Variants in EPS15 observed in about 807,000 individuals in gnomAD.
EPS15 encodes epidermal growth factor receptor substrate 15.
A neutral mutation model predicts 113.8 loss-of-function variants in EPS15; 72 were observed. The ratio of observed to expected loss-of-function variants is 0.63; its 90% CI spans 0.52 to 0.77. The LOEUF (loss-of-function observed/expected upper bound fraction) is 0.77, where lower values mean the gene tolerates loss of function less well. EPS15 is among the 30% of genes least tolerant of loss of function. EPS15 has a pLI of 0.00. For missense variants in EPS15, 1,048 were observed against 1,045.8 expected (o/e 1.00, Z -0.03); for synonymous variants, 344 against 363.4 (o/e 0.95, Z 0.61).
intron 22 of EPS15, 22 bp from the exon 23 acceptor site, chr1:51,364,050 T>C: frequency 6.4e-7 from 1 of 1,563,916 alleles, no homozygotes; most frequent in Non-Finnish European, 8.7e-7. Context: ...AAGAAATGGT[T>C]ATACATGGCT....
At chr1:51,513,221 CA>C (rs1644658284) in intron 1 of EPS15, among the ~76,000 whole-genome samples, 1 of 151,994 alleles carries the variant, frequency 6.6e-6, no homozygotes, top group African/African-American at 2.4e-5. Context: ...CACATGTGCA[CA>C]AAAACATGTA....
chr1:51,518,091 A>T (rs7412881), intron 1 of EPS15, among the ~76,000 whole-genome samples: 1 of 152,070 alleles, frequency 6.6e-6, no homozygotes, highest in African/African-American at 2.4e-5. Flanking sequence ...AGCACGCGCC[A>T]CCAGCTCTGG....
At chr1:51,446,753 C>G (rs1432894510) in intron 10 of EPS15, among the ~76,000 whole-genome samples, 3 of 152,148 alleles carry the variant, frequency 2.0e-5, no homozygotes, top group East Asian at 1.9e-4. Context: ...CCATGCCCAG[C>G]GGATGCTGTC....
At chr1:51,460,989 G>C (rs754484964) in intron 8 of EPS15, 102 bp downstream of exon 8, 2 of 756,778 alleles carry the variant, frequency 2.6e-6, no homozygotes, top group Non-Finnish European at 4.5e-6. Flanking sequence ...CCAATAATCT[G>C]ATGAGAATAT....
chr1:51,475,876 T>A (rs1655641485), intron 2 of EPS15, among the ~76,000 whole-genome samples: 2 of 152,216 alleles, frequency 1.3e-5, no homozygotes, highest in African/African-American at 4.8e-5. Flanking sequence ...AAGGAACGGA[T>A]CCAGTTTCAG....
At chr1:51,384,276 GTCTTTT>G (rs1312398908) in intron 21 of EPS15, among the ~76,000 whole-genome samples, 5 of 146,890 alleles carry the variant, frequency 3.4e-5, no homozygotes, top group African/African-American at 7.5e-5. Flanking sequence ...AGCCAAAGCA[GTCTTTT>G]TCTTTTTCTT....
chr1:51,434,792 C>T (rs373319259), intron 12 of EPS15, among the ~76,000 whole-genome samples: 1 of 152,170 alleles, frequency 6.6e-6, no homozygotes, highest in Non-Finnish European at 1.5e-5. Flanking sequence ...CTGCCTCAGC[C>T]TCCTGAGTAA....
rs1173029789 is a variant in EPS15 at position 51,361,463 on chromosome 1, A to G, written c.2360-108T>C. The G allele has an allele frequency of 9.1e-6, 7 of 770,384 alleles. No individual in the cohort carries two copies. The African/African-American group carries it at 1.2e-4, about 14-fold the overall frequency. 47.7% of individuals were successfully genotyped at this position (770,384 alleles called of 1,614,324 possible). Reference sequence around the variant, plus strand: ...AAGTACTGTGGGTAGAGGATGATTGAGTACCTAAAACACATTCTGAATATT... The same window carrying G: ...AAGTACTGTGGGTAGAGGATGATTGGGTACCTAAAACACATTCTGAATATT... On this transcript the variant is annotated intron_variant, in intron 23 of 24. Transcript: ENST00000371733.
At chr1:51,423,298 C>T in intron 12 of EPS15, 1 of 1,283,240 alleles carries the variant, frequency 7.8e-7, no homozygotes, top group Non-Finnish European at 1.0e-6. Flanking sequence ...CCGATCCTTC[C>T]ATACCTCAAC....
chr1:51,464,432 G>A (rs1654700918), intron 6 of EPS15, among the ~76,000 whole-genome samples: 1 of 151,836 alleles, frequency 6.6e-6, no homozygotes, highest in Non-Finnish European at 1.5e-5. Flanking sequence ...AGTAGACACG[G>A]GGTTTCACTA....
At chr1:51,509,751 A>G (rs1201233250) in intron 1 of EPS15, among the ~76,000 whole-genome samples, 1 of 152,234 alleles carries the variant, frequency 6.6e-6, no homozygotes, top group Admixed American at 6.5e-5. Context: ...AAAACTTTCC[A>G]CTATAACTTC....
intron 9 of EPS15, 129 bp from the exon 10 acceptor site, chr1:51,447,234 G>A (rs1255273911): frequency 7.0e-6 from 5 of 709,448 alleles, no homozygotes; most frequent in Middle Eastern, 5.8e-4. Context: ...GAGCAACAAT[G>A]TATCACTTCC....
At chr1:51,482,850 T>C (rs1054249325) in intron 1 of EPS15, among the ~76,000 whole-genome samples, 1 of 151,968 alleles carries the variant, frequency 6.6e-6, no homozygotes, top group African/African-American at 2.4e-5. Context: ...AAAAAGTTTG[T>C]AACATAGATT....
intron 21 of EPS15, among the ~76,000 whole-genome samples, chr1:51,375,145 G>GT (rs1241335834): frequency 1.3e-5 from 2 of 151,618 alleles, no homozygotes; most frequent in Non-Finnish European, 2.9e-5. Flanking sequence ...GGGACTACAG[G>GT]TGCCCGCCAC....
chr1:51,380,224 CAA>C (rs566761870), intron 21 of EPS15, among the ~76,000 whole-genome samples: 1 of 111,314 alleles, frequency 9.0e-6, no homozygotes, highest in Non-Finnish European at 1.9e-5. Flanking sequence ...AACTCTGCCT[CAA>C]AAAAAAAAAG....
At chr1:51,472,385 T>C (rs1267529518) in intron 3 of EPS15, among the ~76,000 whole-genome samples, 1 of 152,244 alleles carries the variant, frequency 6.6e-6, no homozygotes, top group Non-Finnish European at 1.5e-5. Context: ...AATTAAATTA[T>C]TGTGATTATT....
intron 1 of EPS15, among the ~76,000 whole-genome samples, chr1:51,506,247 G>T (rs1170386080): frequency 1.3e-5 from 2 of 152,040 alleles, no homozygotes; most frequent in South Asian, 2.1e-4. Flanking sequence ...TTGGTAGATG[G>T]CTCATATTTT....
chr1:51,518,002 G>GA (rs1390673444), intron 1 of EPS15, among the ~76,000 whole-genome samples: 10 of 152,072 alleles, frequency 6.6e-5, no homozygotes, highest in African/African-American at 2.4e-4. Context: ...AAGCACCGAC[G>GA]AATCTAGGCC....
intron 21 of EPS15, among the ~76,000 whole-genome samples, chr1:51,388,580 TAAAG>T (rs1240753792): frequency 1.3e-5 from 2 of 150,950 alleles, no homozygotes; most frequent in African/African-American, 2.4e-5. Context: ...GCAAGACTAA[TAAAG>T]AAAAAAAGAG....
Sources: allele counts gnomAD v4.1 joint callset (sites outside exome capture counted in the v4.1 genomes callset), GRCh38; gene constraint gnomAD v4.1.1; transcripts MANE v1.5; gene names NCBI Gene and HGNC (gene_info 2026-07-23, HGNC 2026-07-21).